Variants in PARD3 observed in about 807,000 individuals in gnomAD.
PARD3 encodes partitioning defective 3 homolog.
PARD3 carries 75 observed loss-of-function variants against 155.4 expected under a neutral mutation model. The observed-to-expected ratio is 0.48, with a 90% CI of 0.40 to 0.58. The LOEUF (loss-of-function observed/expected upper bound fraction) is 0.58. Among genes scored for constraint, PARD3 ranks in the 20% least tolerant of loss-of-function variants. The probability of loss-of-function intolerance (pLI) is 0.00; values close to 1 mark genes in which losing one functional copy is unlikely to be tolerated. For synonymous variants in PARD3, 576 were observed against 610.5 expected (o/e 0.94, Z 0.83); for missense variants, 1,642 against 1,721.7 (o/e 0.95, Z 0.82).
intron 2 of PARD3, among the ~76,000 whole-genome samples, chr10:34,677,694 T>C (rs1216622941): frequency 6.6e-6 from 1 of 152,166 alleles, no homozygotes. Context: ...AGCACCTATC[T>C]GTAATGCTGC....
intron 12 of PARD3, among the ~76,000 whole-genome samples, chr10:34,371,753 G>T (rs1840690739): frequency 6.6e-6 from 1 of 151,850 alleles, no homozygotes; most frequent in Non-Finnish European, 1.5e-5. Context: ...ATGTTTTTGT[G>T]CTATGTTGTT....
intron 20 of PARD3, among the ~76,000 whole-genome samples, chr10:34,289,271 C>T (rs937280517): frequency 1.3e-5 from 2 of 152,106 alleles, no homozygotes; most frequent in African/African-American, 4.8e-5. Context: ...CTCACTGCAA[C>T]CTCCGCCTCC....
intron 2 of PARD3, among the ~76,000 whole-genome samples, chr10:34,647,958 C>G (rs2092895316): frequency 6.6e-6 from 1 of 152,168 alleles, no homozygotes; most frequent in Non-Finnish European, 1.5e-5. Flanking sequence ...CAGTGAGACC[C>G]CTGACATTTC....
At position 34,382,595 on chromosome 10, in the gene PARD3, G is replaced by T; in HGVS notation, c.1344C>A (p.Ser448Arg). 1 of 1,613,886 alleles carries T rather than the reference G, an allele frequency of 6.2e-7. No homozygotes were observed. The highest frequency in any genetic ancestry group is 8.5e-7 in the Non-Finnish European group (1 of 1,179,994). ...APQNVFSTTV[S>R]SGYNTKKIGK... ...CTATTTTTTTGGTGTTATAACCACT[G>T]CTTACAGTCGTACTAAATACATTCT... is the stretch of plus-strand genomic sequence containing the variant. The change falls in exon 9 of 25, where the codon AGC becomes AGA. Residue 448 changes from serine to arginine, a missense_variant. Transcript: ENST00000374788.
intron 5 of PARD3, among the ~76,000 whole-genome samples, chr10:34,445,787 TA>T (rs74758211): frequency 0.081 from 11,690 of 143,938 alleles, 1,298 homozygotes; most frequent in African/African-American, 0.26. Context: ...TTGCAGTATT[TA>T]AAAAAAAAAA....
At chr10:34,236,409 C>T (rs1380341296) in intron 22 of PARD3, among the ~76,000 whole-genome samples, 2 of 152,110 alleles carry the variant, frequency 1.3e-5, no homozygotes, top group Non-Finnish European at 2.9e-5. Context: ...TTTTCCACAA[C>T]TATAATAAAG....
chr10:34,484,048 T>C (rs2079274587), intron 3 of PARD3, among the ~76,000 whole-genome samples: 1 of 152,232 alleles, frequency 6.6e-6, no homozygotes, highest in Non-Finnish European at 1.5e-5. Flanking sequence ...ATGTTGGTAT[T>C]ATGCTTGGGC....
chr10:34,632,933 G>A (rs1026010889), intron 2 of PARD3, among the ~76,000 whole-genome samples: 4 of 152,218 alleles, frequency 2.6e-5, no homozygotes, highest in African/African-American at 9.6e-5. Context: ...AACCGAGGAG[G>A]CTGCGCAGAG....
At chr10:34,742,619 T>G (rs1171442640) in intron 1 of PARD3, among the ~76,000 whole-genome samples, 1 of 152,228 alleles carries the variant, frequency 6.6e-6, no homozygotes, top group East Asian at 1.9e-4. Flanking sequence ...ATAGATGATC[T>G]AATGAATCAC....
rs1009821336 is a variant in PARD3, at chr10:34,686,833, G to A, written c.222+9485C>T. 5.3e-5 allele frequency among the ~76,000 whole-genome samples: 8 copies of A among 152,010 alleles called. No homozygotes were observed. The East Asian group carries it at 1.4e-3, about 26-fold the overall frequency. On this transcript the variant is annotated intron_variant, in intron 2 of 24. Coordinates refer to ENST00000374788, the MANE Select transcript of PARD3 (RefSeq NM_001184785.2). ...GGAGGCTGAGGAGGGTGGATCAGTT[G>A]AGGTCAAGAGTTCGAGACCAGCTTG...
At chr10:34,751,352 G>A (rs1041130246) in intron 1 of PARD3, among the ~76,000 whole-genome samples, 8 of 152,196 alleles carry the variant, frequency 5.3e-5, no homozygotes, top group African/African-American at 1.9e-4. Flanking sequence ...AGTGGCCAAA[G>A]CAACTCCATC....
At chr10:34,237,644 C>A (rs962499214) in intron 22 of PARD3, among the ~76,000 whole-genome samples, 3 of 152,126 alleles carry the variant, frequency 2.0e-5, no homozygotes, top group African/African-American at 7.2e-5. Flanking sequence ...TGAACATATA[C>A]AAGTGAATAT....
chr10:34,595,153 TCA>T (rs1346074011), intron 2 of PARD3, among the ~76,000 whole-genome samples: 1 of 152,184 alleles, frequency 6.6e-6, no homozygotes, highest in Non-Finnish European at 1.5e-5. Flanking sequence ...TCTAAGAATA[TCA>T]CAATGTCAAG....
In PARD3 at chr10:34,747,273, G is replaced by A. The variant is rs188659399; in HGVS notation, c.121-50854C>T. Among the ~76,000 whole-genome samples the A allele has an allele frequency of 8.9e-4, 135 of 152,268 alleles. 1 individual carries two copies. The highest frequency in any genetic ancestry group is 7.8e-3 in the Admixed American group (119 of 15,296). ...GAGCCACGATTCTAAGGGAGCTGGG[G>A]CGGCAGGGGCTGCAGACAGCCACTC... On this transcript the variant is annotated intron_variant, in intron 1 of 24. Coordinates refer to ENST00000374788, the MANE Select transcript of PARD3 (RefSeq NM_001184785.2).
chr10:34,214,449 G>T (rs12264934), intron 22 of PARD3, among the ~76,000 whole-genome samples: 2,974 of 152,222 alleles, frequency 0.02, 104 homozygotes, highest in African/African-American at 0.067. Context: ...TAAGCAACGT[G>T]GGGTGGTGAT....
intron 2 of PARD3, among the ~76,000 whole-genome samples, chr10:34,660,432 A>T (rs1259387433): frequency 6.6e-6 from 1 of 152,164 alleles, no homozygotes; most frequent in East Asian, 1.9e-4. Context: ...GTACATAAAG[A>T]ACATCTTTAA....
chr10:34,252,386 A>T (rs535044782), intron 22 of PARD3, among the ~76,000 whole-genome samples: 1 of 146,292 alleles, frequency 6.8e-6, no homozygotes, highest in Non-Finnish European at 1.5e-5. Flanking sequence ...CCAACTTGTT[A>T]TCTCCTCGTC....
chr10:34,689,310 GA>G (rs139132721), intron 2 of PARD3, among the ~76,000 whole-genome samples: 1 of 152,288 alleles, frequency 6.6e-6, no homozygotes, highest in East Asian at 1.9e-4. Flanking sequence ...CCCTCAGTCT[GA>G]ATAATGCGTC....
At chr10:34,282,571 G>T (rs1433907488) in intron 21 of PARD3, among the ~76,000 whole-genome samples, 1 of 152,158 alleles carries the variant, frequency 6.6e-6, no homozygotes, top group South Asian at 2.1e-4. Context: ...CTGCAAGGAA[G>T]AAATGTTTAG....
Sources: gnomAD v4.1 joint callset for allele counts (sites outside exome capture counted in the v4.1 genomes callset) on GRCh38, gnomAD v4.1.1 for gene constraint, MANE v1.5 for transcripts, NCBI Gene and HGNC (gene_info 2026-07-23, HGNC 2026-07-21) for gene names.